Variants in SUPT3H observed in about 807,000 individuals in gnomAD.
The protein encoded by SUPT3H is transcription initiation protein SPT3 homolog.
A neutral mutation model predicts 44.3 loss-of-function variants in SUPT3H; 44 were observed. That is an observed-to-expected ratio of 0.99 (90% confidence interval 0.78 to 1.28). The LOEUF is 1.28. Among genes scored for constraint, SUPT3H ranks in the 50% most tolerant of loss-of-function variants. The probability of loss-of-function intolerance (pLI) is 0.00; values close to 1 mark genes in which losing one functional copy is unlikely to be tolerated. For missense variants in SUPT3H, 380 were observed against 387.1 expected (o/e 0.98, Z 0.15); for synonymous variants, 124 against 125.6 (o/e 0.99, Z 0.09).
chr6:44,961,935 G>A (rs763496764), intron 6 of SUPT3H, 107 bp from the exon 7 acceptor site: 3 of 770,826 alleles, frequency 3.9e-6, no homozygotes, highest in Non-Finnish European at 6.4e-6. Context: ...CTTATTCCAG[G>A]TGAACAGGGT....
chr6:44,963,786 T>C (rs1582788825), intron 6 of SUPT3H, among the ~76,000 whole-genome samples: 1 of 151,998 alleles, frequency 6.6e-6, no homozygotes, highest in African/African-American at 2.4e-5. Flanking sequence ...GATCATGAGG[T>C]CAGGAGATTG....
intron 2 of SUPT3H, among the ~76,000 whole-genome samples, chr6:45,217,010 G>C (rs957379046): frequency 2.0e-5 from 3 of 152,000 alleles, no homozygotes; most frequent in African/African-American, 7.3e-5. Context: ...TTACAAGGTA[G>C]GACAACTTTG....
chr6:45,212,456 T>A (rs542124434), intron 2 of SUPT3H, among the ~76,000 whole-genome samples: 21 of 150,592 alleles, frequency 1.4e-4, no homozygotes, highest in Non-Finnish European at 2.7e-4. Context: ...AGCCGTAGGT[T>A]CTGAAACTTC....
chr6:45,105,963 C>T lies in SUPT3H; in HGVS notation c.145G>A (p.Val49Ile). Reference protein sequence around the residue: ...DARRPLHETAVLVEDVVHTQL... With the variant: ...DARRPLHETAILVEDVVHTQL... ...GTGTGTACCACATCTTCTACCAAAA[C>T]TGCTGTTTCATGAAGAGGCCTTCTA... The change falls in exon 3 of 11, where the codon GTT becomes ATT. Residue 49 changes from valine to isoleucine, a missense_variant. Physicochemically the swap from Val to Ile is conservative, Grantham distance 29 (BLOSUM62 3). Transcript: ENST00000371459. 3 of 1,613,868 alleles carry T rather than the reference C, an allele frequency of 1.9e-6. No individual in the cohort carries two copies. Among genetic ancestry groups the T allele is most frequent in the Non-Finnish European group, 2.5e-6 (3 of 1,179,898 alleles).
At chr6:45,305,056 T>C (rs1426608464) in intron 2 of SUPT3H, among the ~76,000 whole-genome samples, 1 of 152,216 alleles carries the variant, frequency 6.6e-6, no homozygotes, top group Non-Finnish European at 1.5e-5. Context: ...TGCTTATTCG[T>C]TTGCTTTTCA....
intron 2 of SUPT3H, among the ~76,000 whole-genome samples, chr6:45,152,660 TTTG>T (rs1360063728): frequency 1.3e-5 from 2 of 152,032 alleles, no homozygotes; most frequent in Non-Finnish European, 2.9e-5. Context: ...CCGGCTAATT[TTTG>T]TTATTTTTCG....
In SUPT3H at chr6:45,061,104, T is replaced by A. The variant is rs1791934350; in HGVS notation, c.187-40472A>T. 2.6e-5 allele frequency among the ~76,000 whole-genome samples: 4 copies of A among 152,160 alleles called. No individual in the cohort carries two copies. In the South Asian group the frequency reaches 8.3e-4, roughly 32 times the overall value. ...AGCAATGCCATTACTGGGTATATAC[T>A]CAAAGGAATATAAATCATTCAATTA... is the stretch of plus-strand genomic sequence containing the variant. On this transcript the variant is annotated intron_variant, in intron 3 of 10. Transcript: ENST00000371459.
chr6:45,355,798 G>T (rs1793049485), intron 2 of SUPT3H, among the ~76,000 whole-genome samples: 1 of 152,092 alleles, frequency 6.6e-6, no homozygotes, highest in South Asian at 2.1e-4. Context: ...TTAGAAATGG[G>T]TTGTATTCCA....
intron 10 of SUPT3H, among the ~76,000 whole-genome samples, chr6:44,868,328 A>G (rs150068708): frequency 3.9e-5 from 6 of 152,342 alleles, no homozygotes; most frequent in African/African-American, 1.4e-4. Context: ...AGGAAAACGT[A>G]AAGTAAAATT....
intron 3 of SUPT3H, among the ~76,000 whole-genome samples, chr6:45,032,083 C>T (rs115064201): frequency 0.01 from 1,552 of 152,220 alleles, 23 homozygotes; most frequent in African/African-American, 0.035. Flanking sequence ...CTCATCTGCC[C>T]TATGCTTTCA....
intron 2 of SUPT3H, among the ~76,000 whole-genome samples, chr6:45,161,550 C>G (rs1808970715): frequency 6.6e-6 from 1 of 152,028 alleles, no homozygotes; most frequent in Non-Finnish European, 1.5e-5. Context: ...GCATTTTTTT[C>G]AAAAGCACTT....
intron 2 of SUPT3H, among the ~76,000 whole-genome samples, chr6:45,246,251 G>C (rs775413433): frequency 9.2e-5 from 14 of 152,134 alleles, no homozygotes; most frequent in Non-Finnish European, 1.8e-4. Context: ...AGCGTCCTTT[G>C]ATGCACAAAA....
intron 7 of SUPT3H, among the ~76,000 whole-genome samples, chr6:44,957,674 G>T (rs150750371): frequency 3.9e-5 from 6 of 152,108 alleles, no homozygotes; most frequent in African/African-American, 1.4e-4. Flanking sequence ...TAACCACCGA[G>T]AATGCAGGGA....
chr6:45,335,677 G>C (rs956836985), intron 2 of SUPT3H, among the ~76,000 whole-genome samples: 2 of 151,158 alleles, frequency 1.3e-5, no homozygotes, highest in African/African-American at 4.8e-5. Context: ...ACCTGTGAAA[G>C]TACATAAGCA....
intron 10 of SUPT3H, among the ~76,000 whole-genome samples, chr6:44,910,245 A>G (rs1177614683): frequency 1.3e-5 from 2 of 151,980 alleles, no homozygotes; most frequent in African/African-American, 2.4e-5. Context: ...CTGACCTTCC[A>G]TGTTTCCCAA....
At chr6:45,130,535 G>A (rs1041079280) in intron 2 of SUPT3H, among the ~76,000 whole-genome samples, 2 of 151,796 alleles carry the variant, frequency 1.3e-5, no homozygotes, top group Admixed American at 6.6e-5. Context: ...CTCTGTAGCT[G>A]CTGGGATGGT....
intron 10 of SUPT3H, among the ~76,000 whole-genome samples, chr6:44,890,773 A>T (rs4711801): frequency 0.22 from 32,786 of 150,334 alleles, 4,116 homozygotes; most frequent in Non-Finnish European, 0.29. Context: ...ATAATAATAA[A>T]AAAAAAAGAA....
chr6:44,888,388 C>G (rs1481817783), intron 10 of SUPT3H, among the ~76,000 whole-genome samples: 6 of 152,070 alleles, frequency 3.9e-5, no homozygotes, highest in African/African-American at 1.4e-4. Context: ...CAAACCGAAT[C>G]CAGCAGCACA....
chr6:45,367,625 G>A (rs564403702), intron 1 of SUPT3H, among the ~76,000 whole-genome samples: 2 of 152,208 alleles, frequency 1.3e-5, no homozygotes, highest in East Asian at 3.9e-4. Context: ...AGCTATCTTC[G>A]AGAACATGTT....
Sources: gnomAD v4.1 joint callset for allele counts (sites outside exome capture counted in the v4.1 genomes callset) on GRCh38, gnomAD v4.1.1 for gene constraint, MANE v1.5 for transcripts, NCBI Gene and HGNC (gene_info 2026-07-23, HGNC 2026-07-21) for gene names.